Variants in ST6GALNAC5 observed in about 807,000 individuals in gnomAD.
ST6GALNAC5 encodes the protein ST6 N-acetylgalactosaminide alpha-2,6-sialyltransferase 5.
A neutral mutation model predicts 33.6 loss-of-function variants in ST6GALNAC5; 27 were observed. The observed-to-expected ratio is 0.80, with a 90% CI of 0.59 to 1.11. The LOEUF (loss-of-function observed/expected upper bound fraction) is 1.11, where lower values mean the gene tolerates loss of function less well. ST6GALNAC5 is among the 50% of genes least tolerant of loss of function. ST6GALNAC5 has a pLI of 0.00. For missense variants in ST6GALNAC5, 428 were observed against 454.0 expected, an observed-to-expected ratio of 0.94 and a Z score of 0.52; for synonymous variants, 194 against 171.2, an observed-to-expected ratio of 1.13 and a Z score of -1.04.
At chr1:76,962,880 G>A (rs542614436) in intron 2 of ST6GALNAC5, among the ~76,000 whole-genome samples, 1 of 152,242 alleles carries the variant, frequency 6.6e-6, no homozygotes, top group South Asian at 2.1e-4. Flanking sequence ...ACTAAAGGGA[G>A]ATTTATAATT....
Position 76,867,526 on chromosome 1 carries a change from TC to T in ST6GALNAC5, c.-147del, listed in dbSNP as rs1221370623. On this transcript the variant is annotated 5_prime_UTR_variant, in exon 1 of 5. Coordinates refer to ENST00000477717, the MANE Select transcript of ST6GALNAC5 (RefSeq NM_030965.3). ...CTCTGCAACAGCCGCGCTTCCCGGG[TC>T]CCGCGGCTCCCGCGCGCGATCTGCC... 2 of 1,168,048 alleles carry T rather than the reference TC, an allele frequency of 1.7e-6. No homozygotes were observed. The highest frequency in any genetic ancestry group is 2.6e-6 in the Non-Finnish European group (2 of 778,812). The allele number at this position is 1,168,048 out of a possible 1,614,324, so 72.4% of individuals were successfully genotyped here.
chr1:76,977,720 A>C (rs879890583), intron 2 of ST6GALNAC5, among the ~76,000 whole-genome samples: 1 of 152,138 alleles, frequency 6.6e-6, no homozygotes, highest in African/African-American at 2.4e-5. Context: ...TTATCCATTC[A>C]TCTATGGATA....
intron 2 of ST6GALNAC5, among the ~76,000 whole-genome samples, chr1:76,881,184 G>A (rs891932380): frequency 2.6e-5 from 4 of 152,092 alleles, no homozygotes; most frequent in African/African-American, 7.2e-5. Context: ...AACTCTCATG[G>A]GAGTCAGTGA....
chr1:77,035,841 T>A (rs1299121848), intron 2 of ST6GALNAC5, among the ~76,000 whole-genome samples: 1 of 152,146 alleles, frequency 6.6e-6, no homozygotes, highest in African/African-American at 2.4e-5. Context: ...TGGAAAGTAG[T>A]TTAGCAGTTT....
chr1:76,914,657 G>C (rs907052583), intron 2 of ST6GALNAC5, among the ~76,000 whole-genome samples: 11 of 152,264 alleles, frequency 7.2e-5, no homozygotes, highest in African/African-American at 2.6e-4. Context: ...GCTGAAACTG[G>C]ATCCCTTCCT....
intron 2 of ST6GALNAC5, among the ~76,000 whole-genome samples, chr1:76,987,166 A>G (rs1400732186): frequency 6.6e-6 from 1 of 152,200 alleles, no homozygotes; most frequent in African/African-American, 2.4e-5. Context: ...TTAAAGTATA[A>G]TAATAAAAGC....
intron 2 of ST6GALNAC5, among the ~76,000 whole-genome samples, chr1:76,882,531 T>G (rs1653804742): frequency 6.6e-6 from 1 of 152,194 alleles, no homozygotes; most frequent in Non-Finnish European, 1.5e-5. Context: ...CCCTGATCAT[T>G]GCTACAGCTC....
At chr1:77,002,827 C>G (rs1179841030) in intron 2 of ST6GALNAC5, among the ~76,000 whole-genome samples, 160 of 132,150 alleles carry the variant, frequency 1.2e-3, no homozygotes, top group Admixed American at 2.5e-3. Context: ...ATCCTGAGTT[C>G]TAGTTTGATT....
intron 2 of ST6GALNAC5, among the ~76,000 whole-genome samples, chr1:77,015,210 A>G (rs1328867181): frequency 6.6e-6 from 1 of 152,224 alleles, no homozygotes; most frequent in Non-Finnish European, 1.5e-5. Context: ...CCTGAGACCC[A>G]GGGGAGCTGA....
At chr1:76,946,898 G>A (rs12124645) in intron 2 of ST6GALNAC5, among the ~76,000 whole-genome samples, 19,053 of 152,018 alleles carry the variant, frequency 0.13, 1,270 homozygotes, top group South Asian at 0.27. Context: ...AAGTAGATAC[G>A]ATTTATATGG....
At chr1:77,022,794 G>A (rs1320513438) in intron 2 of ST6GALNAC5, among the ~76,000 whole-genome samples, 1 of 151,988 alleles carries the variant, frequency 6.6e-6, no homozygotes, top group East Asian at 1.9e-4. Flanking sequence ...TTTTGTATTG[G>A]CCCTTTTAGG....
At chr1:77,030,216 T>C (rs1202927253) in intron 2 of ST6GALNAC5, among the ~76,000 whole-genome samples, 1 of 152,240 alleles carries the variant, frequency 6.6e-6, no homozygotes, top group East Asian at 1.9e-4. Context: ...AATCCTCTTT[T>C]CTTTCCAGTC....
At chr1:76,960,315 T>C (rs1272903277) in intron 2 of ST6GALNAC5, among the ~76,000 whole-genome samples, 7 of 151,956 alleles carry the variant, frequency 4.6e-5, no homozygotes. Context: ...TTTTTATTAG[T>C]GATTTTCAAA....
At chr1:76,881,448 A>T (rs1161352562) in intron 2 of ST6GALNAC5, among the ~76,000 whole-genome samples, 4 of 152,158 alleles carry the variant, frequency 2.6e-5, no homozygotes, top group Non-Finnish European at 4.4e-5. Flanking sequence ...TCTGAGCTGT[A>T]TGTTTTGTCT....
chr1:77,006,083 T>C (rs1650401413), intron 2 of ST6GALNAC5, among the ~76,000 whole-genome samples: 1 of 152,182 alleles, frequency 6.6e-6, no homozygotes, highest in South Asian at 2.1e-4. Flanking sequence ...CTGGATGATA[T>C]GGTAACTCTA....
intron 2 of ST6GALNAC5, among the ~76,000 whole-genome samples, chr1:76,924,525 A>T (rs1647066075): frequency 6.6e-6 from 1 of 152,158 alleles, no homozygotes; most frequent in African/African-American, 2.4e-5. Context: ...TCTTTCCCTA[A>T]AATATTCATA....
At chr1:77,053,509 T>G (rs117891175) in intron 4 of ST6GALNAC5, among the ~76,000 whole-genome samples, 1 of 152,152 alleles carries the variant, frequency 6.6e-6, no homozygotes, top group Admixed American at 6.5e-5. Flanking sequence ...TAAAGGGTGT[T>G]GTATATGGAT....
Position 76,968,564 on chromosome 1 carries a change from C to A in ST6GALNAC5, c.262-75640C>A, listed in dbSNP as rs368070163. On this transcript the variant is annotated intron_variant, in intron 2 of 4. Transcript: ENST00000477717. ...TCCAGTCTGTGCCTTTTAATTGGGGCATTTAGCCCATTTACAGTTAAGGTT... is the reference window on the plus strand; with the variant it reads ...TCCAGTCTGTGCCTTTTAATTGGGGAATTTAGCCCATTTACAGTTAAGGTT... 1.7e-4 allele frequency among the ~76,000 whole-genome samples: 26 copies of A among 152,234 alleles called. 1 individual carries two copies. The East Asian group carries it at 3.7e-3, about 22-fold the overall frequency.
At chr1:77,017,011 C>T (rs932483163) in intron 2 of ST6GALNAC5, among the ~76,000 whole-genome samples, 55 of 151,960 alleles carry the variant, frequency 3.6e-4, no homozygotes, top group Admixed American at 1.1e-3. Context: ...GCTCCAAGTT[C>T]GGGTACAATC....
Sources: allele counts gnomAD v4.1 joint callset (sites outside exome capture counted in the v4.1 genomes callset), GRCh38; gene constraint gnomAD v4.1.1; transcripts MANE v1.5; gene names NCBI Gene and HGNC (gene_info 2026-07-23, HGNC 2026-07-21).